IPO11: variants seen among roughly 807,000 people sequenced by gnomAD.
The protein encoded by IPO11 is importin 11.
In IPO11, 66 loss-of-function variants were observed where a neutral mutation model predicts 143.2. That is an observed-to-expected ratio of 0.46 (90% confidence interval 0.38 to 0.57). The LOEUF is 0.57. Ranked by LOEUF, IPO11 falls within the 20% of genes least tolerant of loss-of-function variation. The pLI is 0.00. For synonymous variants in IPO11, 385 were observed against 377.8 expected, an observed-to-expected ratio of 1.02 and a Z score of -0.22; for missense variants, 1,026 against 1,141.0, an observed-to-expected ratio of 0.90 and a Z score of 1.45.
chr5:62,450,106 A>G (rs867190409), intron 4 of IPO11, 107 bp downstream of exon 4: 6 of 599,798 alleles, frequency 1.0e-5, no homozygotes, highest in Middle Eastern at 5.4e-4. Context: ...CTATTACACT[A>G]TTTTCATTTG....
At chr5:62,422,945 A>G (rs888056227) in intron 1 of IPO11, among the ~76,000 whole-genome samples, 7 of 152,160 alleles carry the variant, frequency 4.6e-5, no homozygotes, top group Admixed American at 2.6e-4. Context: ...TTCAGTATAT[A>G]TTTATTGAAT....
intron 24 of IPO11, among the ~76,000 whole-genome samples, chr5:62,544,193 A>G (rs1002568511): frequency 7.3e-6 from 1 of 137,618 alleles, no homozygotes; most frequent in Admixed American, 7.0e-5. Flanking sequence ...ACATCAATGC[A>G]AAAATCCTCA....
At chr5:62,417,286 C>G (rs1743328401) in intron 1 of IPO11, among the ~76,000 whole-genome samples, 1 of 114,176 alleles carries the variant, frequency 8.8e-6, no homozygotes, top group Non-Finnish European at 1.8e-5. Flanking sequence ...TGAAAGAATT[C>G]TCTATATTCA....
At chr5:62,461,261 A>G (rs1745347972) in intron 5 of IPO11, among the ~76,000 whole-genome samples, 1 of 152,038 alleles carries the variant, frequency 6.6e-6, no homozygotes, top group East Asian at 1.9e-4. Context: ...AGAGGATGGA[A>G]AATTACTAAA....
chr5:62,431,342 T>G (rs1370767210), intron 1 of IPO11, among the ~76,000 whole-genome samples: 3 of 150,172 alleles, frequency 2.0e-5, no homozygotes, highest in Admixed American at 1.3e-4. Context: ...CTGTGCACAG[T>G]ACTCACTTAT....
chr5:62,419,659 C>CT lies in IPO11; in HGVS notation c.-7+6740dup, dbSNP rs961148774. On this transcript the variant is annotated intron_variant, in intron 1 of 29. Coordinates refer to ENST00000325324, the MANE Select transcript of IPO11 (RefSeq NM_016338.5). Reference sequence around the variant, plus strand: ...CTGTCTGAGGCTGTTTTACAGTTAACTTTTTTTTTTAATAGGAGTAGTACA... The same window carrying CT: ...CTGTCTGAGGCTGTTTTACAGTTAACTTTTTTTTTTTAATAGGAGTAGTACA... Among the ~76,000 whole-genome samples the CT allele has an allele frequency of 4.9e-3, 725 of 149,182 alleles. 4 individuals carry two copies. Among genetic ancestry groups the CT allele is most frequent in the African/African-American group, 0.017 (696 of 40,674 alleles).
At chr5:62,451,984 C>T (rs779421850) in intron 5 of IPO11, 51 bp downstream of exon 5, 57 of 1,464,500 alleles carry the variant, frequency 3.9e-5, no homozygotes, top group Non-Finnish European at 5.4e-5. Context: ...TGCGGCCGGG[C>T]GTGGTGGCTT....
intron 16 of IPO11, among the ~76,000 whole-genome samples, chr5:62,496,072 G>A (rs193152574): frequency 5.3e-5 from 8 of 152,164 alleles, no homozygotes; most frequent in African/African-American, 1.7e-4. Context: ...GGCTGATCAC[G>A]AGGTCAGGAG....
intron 3 of IPO11, among the ~76,000 whole-genome samples, chr5:62,444,468 A>G (rs1744638708): frequency 6.6e-6 from 1 of 152,148 alleles, no homozygotes; most frequent in Non-Finnish European, 1.5e-5. Flanking sequence ...AATGTGCATT[A>G]TTTGTTTATA....
rs1358247496 is a variant in IPO11 at position 62,506,288 on chromosome 5, T to G, written c.1713T>G (p.Val571=). 6 of 1,611,790 alleles carry G rather than the reference T, an allele frequency of 3.7e-6. No individual in the cohort carries two copies. The South Asian group carries it at 6.6e-5, about 18-fold the overall frequency. ...TACTTTTTCAGTTACTGCAGCAAGT[T>G]ACAGAATGTGACACAAAGATGCATG... is the stretch of plus-strand genomic sequence containing the variant. The part of the protein sequence containing the change: ...FTLLFQLLQQ[V]TECDTKMHVL... The change falls in exon 19 of 30, where the codon GTT becomes GTG. Residue 571 remains valine (V), a synonymous_variant. Coordinates refer to ENST00000325324, the MANE Select transcript of IPO11 (RefSeq NM_016338.5).
intron 19 of IPO11, among the ~76,000 whole-genome samples, chr5:62,513,000 G>A (rs1453570474): frequency 1.3e-4 from 19 of 149,534 alleles, no homozygotes; most frequent in East Asian, 8.0e-4. Flanking sequence ...ACACAGACAC[G>A]GCAACCATCT....
chr5:62,480,840 A>G (rs1201389144), intron 9 of IPO11, among the ~76,000 whole-genome samples: 1 of 149,852 alleles, frequency 6.7e-6, no homozygotes, highest in East Asian at 2.0e-4. Flanking sequence ...TTGGGCTGAG[A>G]TGATGGGGTT....
chr5:62,484,266 C>G (rs1264615869), intron 11 of IPO11, 104 bp downstream of exon 11: 1 of 928,750 alleles, frequency 1.1e-6, no homozygotes, highest in Non-Finnish European at 1.5e-6. Flanking sequence ...CACTTTTGAT[C>G]TGGAAATCTT....
At chr5:62,491,683 T>G (rs1322129267) in intron 15 of IPO11, among the ~76,000 whole-genome samples, 1 of 149,878 alleles carries the variant, frequency 6.7e-6, no homozygotes, top group East Asian at 1.9e-4. Flanking sequence ...TTTTTTTTTT[T>G]GAGATGGAGT....
chr5:62,491,666 G>GTTT (rs372842718), intron 15 of IPO11, among the ~76,000 whole-genome samples: 6 of 140,034 alleles, frequency 4.3e-5, no homozygotes, highest in African/African-American at 5.2e-5. Context: ...ATATTAATAA[G>GTTT]TTTTTTTTTT....
chr5:62,594,293 T>C (rs1252791180), intron 28 of IPO11, among the ~76,000 whole-genome samples: 1 of 152,298 alleles, frequency 6.6e-6, no homozygotes, highest in East Asian at 1.9e-4. Context: ...TGAGAGCCCA[T>C]GATGTAAGTC....
intron 23 of IPO11, 85 bp downstream of exon 23, chr5:62,536,866 A>G (rs1742752694): frequency 1.3e-5 from 16 of 1,261,776 alleles, no homozygotes; most frequent in Non-Finnish European, 1.7e-5. Context: ...CGTTTTCAAA[A>G]TTTTAAGATT....
intron 4 of IPO11, among the ~76,000 whole-genome samples, 161 bp downstream of exon 4, chr5:62,450,160 G>A (rs983821170): frequency 3.3e-5 from 5 of 152,034 alleles, no homozygotes; most frequent in South Asian, 2.1e-4. Flanking sequence ...TATTTGTAGC[G>A]TTGAATAGTT....
chr5:62,469,262 C>T (rs542222037), intron 6 of IPO11, among the ~76,000 whole-genome samples: 14 of 152,058 alleles, frequency 9.2e-5, no homozygotes, highest in African/African-American at 2.7e-4. Context: ...CTTACGAAAA[C>T]GAGGAAAACT....
Sources: gnomAD v4.1 joint callset for allele counts (sites outside exome capture counted in the v4.1 genomes callset) on GRCh38, gnomAD v4.1.1 for gene constraint, MANE v1.5 for transcripts, NCBI Gene and HGNC (gene_info 2026-07-23, HGNC 2026-07-21) for gene names.